The following MAGI2 variants were observed in gnomAD, a reference collection of about 807,000 sequenced individuals.
MAGI2 encodes membrane associated guanylate kinase, WW and PDZ domain containing 2.
In MAGI2, 35 loss-of-function variants were observed where a neutral mutation model predicts 133.3. The ratio of observed to expected loss-of-function variants is 0.26; its 90% confidence interval spans 0.20 to 0.35. The LOEUF (loss-of-function observed/expected upper bound fraction) is 0.35, where lower values mean the gene tolerates loss of function less well. Among genes scored for constraint, MAGI2 ranks in the 10% least tolerant of loss-of-function variants. The probability of loss-of-function intolerance (pLI) is 1.00; values close to 1 mark genes in which losing one functional copy is unlikely to be tolerated. For synonymous variants in MAGI2, 729 were observed against 710.6 expected (o/e 1.03, Z -0.41); for missense variants, 1,636 against 1,863.4 (o/e 0.88, Z 2.25).
intron 20 of MAGI2, among the ~76,000 whole-genome samples, chr7:78,121,123 A>C (rs1029234690): frequency 1.3e-5 from 2 of 151,892 alleles, no homozygotes; most frequent in African/African-American, 4.8e-5. Context: ...AAATACTTAG[A>C]TATAAAAAGT....
At chr7:79,185,134 A>G (rs1004072065) in intron 1 of MAGI2, among the ~76,000 whole-genome samples, 3 of 151,862 alleles carry the variant, frequency 2.0e-5, no homozygotes, top group Non-Finnish European at 4.4e-5. Context: ...TTCAGAGAAG[A>G]GAACTTTAGA....
intron 1 of MAGI2, among the ~76,000 whole-genome samples, chr7:79,034,535 T>C (rs1273321736): frequency 6.6e-6 from 1 of 152,212 alleles, no homozygotes; most frequent in Non-Finnish European, 1.5e-5. Flanking sequence ...TGTTGTTTTT[T>C]TCAAAGGCTC....
chr7:78,708,642 A>T (rs145015920), intron 2 of MAGI2, among the ~76,000 whole-genome samples: 471 of 152,256 alleles, frequency 3.1e-3, no homozygotes, highest in African/African-American at 0.01. Context: ...AAGTGTCTGT[A>T]AATACAAGCT....
intron 2 of MAGI2, chr7:78,901,509 C>G (rs1265401419): frequency 6.6e-6 from 1 of 152,042 alleles, no homozygotes; most frequent in Non-Finnish European, 1.5e-5. Flanking sequence ...AATGTTTCTT[C>G]CCTGGAAGTG....
intron 2 of MAGI2, among the ~76,000 whole-genome samples, chr7:78,818,038 G>A (rs1264812627): frequency 6.6e-6 from 1 of 152,126 alleles, no homozygotes; most frequent in Admixed American, 6.5e-5. Context: ...TCTCTGAGTT[G>A]TGCCTGTATG....
rs543061997 is a variant in MAGI2 at position 79,226,282 on chromosome 7, C to T, written c.302-219076G>A. Among the ~76,000 whole-genome samples the T allele has an allele frequency of 7.9e-5, 12 of 152,148 alleles. No individual in the cohort carries two copies. In the East Asian group the frequency reaches 2.3e-3, roughly 29 times the overall value. ...ATTCCATCAAGATAGTTACAGTTTC[C>T]AATTATAACATTATCAGTCCTTCCA... On this transcript the variant is annotated intron_variant, in intron 1 of 21. Coordinates refer to ENST00000354212, the MANE Select transcript of MAGI2 (RefSeq NM_012301.4).
chr7:79,083,543 A>G (rs1351298341), intron 1 of MAGI2, among the ~76,000 whole-genome samples: 4 of 151,686 alleles, frequency 2.6e-5, no homozygotes, highest in African/African-American at 9.7e-5. Context: ...CTTGGTCATG[A>G]TGCTTTTTAT....
intron 2 of MAGI2, among the ~76,000 whole-genome samples, chr7:78,909,016 G>A (rs1050700040): frequency 1.3e-5 from 2 of 151,810 alleles, no homozygotes; most frequent in South Asian, 2.1e-4. Flanking sequence ...TATCATCAGA[G>A]TGAACAGGCA....
intron 3 of MAGI2, among the ~76,000 whole-genome samples, chr7:78,555,442 T>C (rs1286737398): frequency 1.3e-5 from 2 of 152,018 alleles, no homozygotes; most frequent in African/African-American, 2.4e-5. Flanking sequence ...TATGGACACA[T>C]ATAAAAAAAC....
intron 3 of MAGI2, among the ~76,000 whole-genome samples, chr7:78,609,702 G>A (rs546482208): frequency 1.3e-5 from 2 of 152,176 alleles, no homozygotes; most frequent in East Asian, 3.9e-4. Context: ...GCCTGGATTG[G>A]GCTGATGTAG....
At chr7:78,576,433 T>G (rs369129416) in intron 3 of MAGI2, among the ~76,000 whole-genome samples, 3 of 152,220 alleles carry the variant, frequency 2.0e-5, no homozygotes, top group East Asian at 1.9e-4. Flanking sequence ...CCCTCCTGTC[T>G]GTCATTCCCC....
chr7:79,277,931 A>T (rs1835353794), intron 1 of MAGI2, among the ~76,000 whole-genome samples: 1 of 152,164 alleles, frequency 6.6e-6, no homozygotes, highest in Non-Finnish European at 1.5e-5. Flanking sequence ...CATAAGTGAC[A>T]ATTAGCAAAA....
At chr7:78,098,979 T>C (rs1817959963) in intron 20 of MAGI2, among the ~76,000 whole-genome samples, 1 of 152,196 alleles carries the variant, frequency 6.6e-6, no homozygotes, top group Admixed American at 6.5e-5. Flanking sequence ...TTTTTTATTA[T>C]TTATATGTTC....
chr7:78,144,094 T>A (rs1823044549), intron 16 of MAGI2, among the ~76,000 whole-genome samples: 1 of 152,114 alleles, frequency 6.6e-6, no homozygotes, highest in African/African-American at 2.4e-5. Flanking sequence ...ATAGATTTCT[T>A]TCCTCAAAGA....
Position 78,994,487 on chromosome 7 carries a change from G to A in MAGI2, c.418+12603C>T, listed in dbSNP as rs150970265. ...TTTTCATGATTTTTTCCCTGCTTTTGTGGAAACATTAGACAGTAAATATAG... is the reference window on the plus strand; with the variant it reads ...TTTTCATGATTTTTTCCCTGCTTTTATGGAAACATTAGACAGTAAATATAG... On this transcript the variant is annotated intron_variant, in intron 2 of 21. Transcript: ENST00000354212. Among the ~76,000 whole-genome samples, 1,401 of 152,108 alleles carry A rather than the reference G, an allele frequency of 9.2e-3. 20 individuals are homozygous for A. The highest frequency in any genetic ancestry group is 0.033 in the African/African-American group (1,355 of 41,496).
intron 2 of MAGI2, among the ~76,000 whole-genome samples, chr7:78,975,073 T>A (rs761744954): frequency 1.3e-5 from 2 of 151,674 alleles, no homozygotes; most frequent in Non-Finnish European, 2.9e-5. Context: ...GGGAGTCCAC[T>A]ATGAGAGTTG....
intron 10 of MAGI2, among the ~76,000 whole-genome samples, chr7:78,216,886 G>A (rs991884026): frequency 1.3e-5 from 2 of 152,202 alleles, no homozygotes; most frequent in Non-Finnish European, 2.9e-5. Flanking sequence ...TGTTGGTAGG[G>A]TTGGTTCCTG....
intron 1 of MAGI2, among the ~76,000 whole-genome samples, chr7:79,101,536 A>G (rs1817969473): frequency 6.6e-6 from 1 of 152,114 alleles, no homozygotes; most frequent in South Asian, 2.1e-4. Context: ...CATTCTGGCT[A>G]ACACGGTGAA....
At chr7:78,526,285 A>T (rs996466497) in intron 3 of MAGI2, among the ~76,000 whole-genome samples, 4 of 152,206 alleles carry the variant, frequency 2.6e-5, no homozygotes, top group African/African-American at 7.2e-5. Context: ...GAAAGGCAAA[A>T]TTGCTACCAA....
Sources: allele counts gnomAD v4.1 joint callset (sites outside exome capture counted in the v4.1 genomes callset), GRCh38; gene constraint gnomAD v4.1.1; transcripts MANE v1.5; gene names NCBI Gene and HGNC (gene_info 2026-07-23, HGNC 2026-07-21).